ENTREP2: variants seen among roughly 807,000 people sequenced by gnomAD.
ENTREP2 encodes the protein protein ENTREP2.
At chr15:29,509,793 A>G in the ENTREP2 span, among the ~76,000 whole-genome samples, 2 of 152,214 alleles carry the variant, frequency 1.3e-5, no homozygotes, top group Admixed American at 1.3e-4. Context: ...CTAAAACCAT[A>G]AAAACCCTAG....
the ENTREP2 span, among the ~76,000 whole-genome samples, chr15:29,605,152 C>T: frequency 1.3e-5 from 2 of 152,310 alleles, no homozygotes; most frequent in East Asian, 3.9e-4. Flanking sequence ...CCCCAATGAA[C>T]AAATGATGGA....
At chr15:29,489,851 G>A in the ENTREP2 span, among the ~76,000 whole-genome samples, 1 of 152,168 alleles carries the variant, frequency 6.6e-6, no homozygotes, top group Admixed American at 6.5e-5. Flanking sequence ...CTTCCAACTA[G>A]GCTGTGCTGA....
the ENTREP2 span, among the ~76,000 whole-genome samples, chr15:29,223,869 C>G: frequency 1.3e-5 from 2 of 152,218 alleles, no homozygotes; most frequent in African/African-American, 2.4e-5. Context: ...GAGGGCTCAG[C>G]TGACAGAGGA....
chr15:29,164,166 C>G, the ENTREP2 span, among the ~76,000 whole-genome samples: 2 of 152,288 alleles, frequency 1.3e-5, no homozygotes, highest in Admixed American at 1.3e-4. Context: ...CTAAAAGGAG[C>G]TCTAAATCTT....
the ENTREP2 span, among the ~76,000 whole-genome samples, chr15:29,463,452 A>G: frequency 6.6e-6 from 1 of 152,234 alleles, no homozygotes; most frequent in Non-Finnish European, 1.5e-5. Flanking sequence ...CAATGTATTA[A>G]AAAATCATTG....
the ENTREP2 span, among the ~76,000 whole-genome samples, chr15:29,321,607 C>A: frequency 6.7e-6 from 1 of 150,190 alleles, no homozygotes; most frequent in Non-Finnish European, 1.5e-5. Context: ...TGAGATGATG[C>A]CACTGTACTC....
At chr15:29,187,317 C>G in the ENTREP2 span, among the ~76,000 whole-genome samples, 1 of 152,030 alleles carries the variant, frequency 6.6e-6, no homozygotes, top group Admixed American at 6.5e-5. Flanking sequence ...ACTCTGTCAT[C>G]CAGGCTGGAG....
At chr15:29,303,146 C>T in the ENTREP2 span, among the ~76,000 whole-genome samples, 15 of 152,172 alleles carry the variant, frequency 9.9e-5, no homozygotes, top group Non-Finnish European at 1.9e-4. Flanking sequence ...GCCTGGCCTG[C>T]CACTTGAAAT....
chr15:29,499,897 G>GAAAGA, the ENTREP2 span, among the ~76,000 whole-genome samples: 1 of 152,084 alleles, frequency 6.6e-6, no homozygotes, highest in East Asian at 1.9e-4. Context: ...AAAGTAAAAG[G>GAAAGA]AAAGAAAAGG....
At chr15:29,159,616 A>G in the ENTREP2 span, among the ~76,000 whole-genome samples, 1 of 152,158 alleles carries the variant, frequency 6.6e-6, no homozygotes, top group Admixed American at 6.5e-5. Context: ...AGCTAGACAC[A>G]AAAGTTCTCC....
the ENTREP2 span, among the ~76,000 whole-genome samples, chr15:29,188,289 G>C: frequency 6.6e-6 from 1 of 152,046 alleles, no homozygotes; most frequent in Middle Eastern, 3.2e-3. Flanking sequence ...TACATGTGCA[G>C]AACATGCAGG....
the ENTREP2 span, among the ~76,000 whole-genome samples, chr15:29,354,183 T>C: frequency 6.6e-6 from 1 of 152,190 alleles, no homozygotes; most frequent in Non-Finnish European, 1.5e-5. Context: ...AACATCCATC[T>C]TCTGTCCTTG....
the ENTREP2 span, among the ~76,000 whole-genome samples, chr15:29,501,714 T>A: frequency 6.6e-6 from 1 of 151,972 alleles, no homozygotes; most frequent in Non-Finnish European, 1.5e-5. Context: ...AATGCATCCA[T>A]ACTGAAAAGG....
chr15:29,118,122 A>C, the ENTREP2 span: 1 of 152,626 alleles, frequency 6.6e-6, no homozygotes, highest in Non-Finnish European at 1.5e-5. Context: ...GATCCATGTA[A>C]TCTGACGTCA....
the ENTREP2 span, among the ~76,000 whole-genome samples, chr15:29,238,468 TA>T: frequency 1.3e-5 from 2 of 150,294 alleles, no homozygotes; most frequent in African/African-American, 2.4e-5. Flanking sequence ...CCATCTCTAC[TA>T]AAAAAAAATA....
At chr15:29,655,505 G>T in the ENTREP2 span, among the ~76,000 whole-genome samples, 2 of 151,738 alleles carry the variant, frequency 1.3e-5, no homozygotes, top group Non-Finnish European at 2.9e-5. Flanking sequence ...AGACACACAA[G>T]AAAGCAACAA....
At chr15:29,637,714 G>C in the ENTREP2 span, among the ~76,000 whole-genome samples, 29 of 152,342 alleles carry the variant, frequency 1.9e-4, no homozygotes, top group Middle Eastern at 3.4e-3. Context: ...GGCAGAACCA[G>C]AATGGGTCAT....
chr15:29,134,389 G>T, the ENTREP2 span, among the ~76,000 whole-genome samples: 1 of 152,140 alleles, frequency 6.6e-6, no homozygotes, highest in Admixed American at 6.5e-5. Context: ...GGCTCAGGGG[G>T]CCACTGTCTG....
the ENTREP2 span, among the ~76,000 whole-genome samples, chr15:29,331,935 C>T: frequency 2.6e-5 from 4 of 152,116 alleles, no homozygotes; most frequent in East Asian, 1.9e-4. Context: ...GGAGGGACAC[C>T]GAATCATCCC....
Sources: allele counts gnomAD v4.1 joint callset (sites outside exome capture counted in the v4.1 genomes callset), GRCh38; gene constraint gnomAD v4.1.1; transcripts MANE v1.5; gene names NCBI Gene and HGNC (gene_info 2026-07-23, HGNC 2026-07-21).